The following UBAP2 variants were observed in gnomAD, a reference collection of about 807,000 sequenced individuals.
The protein encoded by UBAP2 is ubiquitin associated protein 2.
In UBAP2, 75 loss-of-function variants were observed where a neutral mutation model predicts 139.6. That is an observed-to-expected ratio of 0.54 (90% CI 0.45 to 0.65). UBAP2 has a LOEUF of 0.65. UBAP2 is among the 30% of genes least tolerant of loss of function. The pLI is 0.00. For missense variants in UBAP2, 1,368 were observed against 1,369.6 expected (o/e 1.00, Z 0.02); for synonymous variants, 526 against 526.2 (o/e 1.00, Z 0.01).
intron 1 of UBAP2, among the ~76,000 whole-genome samples, chr9:34,038,616 G>C (rs1037980348): frequency 1.3e-5 from 2 of 152,166 alleles, no homozygotes; most frequent in Admixed American, 6.5e-5. Flanking sequence ...GTGCAGTGGC[G>C]TGATCTCGGC....
chr9:33,945,508 A>AC (rs397715137), intron 13 of UBAP2, among the ~76,000 whole-genome samples: 1 of 149,654 alleles, frequency 6.7e-6, no homozygotes, highest in African/African-American at 2.5e-5. Context: ...AAACAAACAA[A>AC]AAACAAAATC....
intron 1 of UBAP2, among the ~76,000 whole-genome samples, chr9:34,035,445 T>A (rs1340811506): frequency 7.1e-6 from 1 of 141,042 alleles, no homozygotes; most frequent in Admixed American, 7.7e-5. Context: ...GAGGTTGCAG[T>A]GAGCCGAGAT....
intron 11 of UBAP2, among the ~76,000 whole-genome samples, chr9:33,953,899 A>G (rs891019738): frequency 7.9e-5 from 12 of 151,996 alleles, no homozygotes; most frequent in African/African-American, 9.7e-5. Context: ...AAGCAATTCA[A>G]TAAGTTTCAC....
At chr9:34,010,515 A>G (rs1175179291) in intron 2 of UBAP2, among the ~76,000 whole-genome samples, 1 of 152,144 alleles carries the variant, frequency 6.6e-6, no homozygotes, top group Non-Finnish European at 1.5e-5. Context: ...AGTACCATTA[A>G]TCATTTAATT....
chr9:33,992,303 G>A lies in UBAP2; in HGVS notation c.289-3177C>T, dbSNP rs140103338. On this transcript the variant is annotated intron_variant, in intron 4 of 28. Coordinates refer to ENST00000379238, the MANE Select transcript of UBAP2 (RefSeq NM_001370062.2). ...CTCGGGAGGCTGAGGCGGAAGAATC[G>A]CTTGAACCCGGGAGGCAGGAGGTTG... Among the ~76,000 whole-genome samples the A allele has an allele frequency of 5.9e-3, 860 of 145,002 alleles. 7 individuals carry two copies. Among genetic ancestry groups the A allele is most frequent in the African/African-American group, 0.02 (780 of 39,200 alleles).
intron 16 of UBAP2, 99 bp downstream of exon 16, chr9:33,941,550 T>G (rs1825202013): frequency 9.3e-7 from 1 of 1,072,768 alleles, no homozygotes; most frequent in African/African-American, 1.6e-5. Context: ...GTTAGTCAAT[T>G]TGTAAAATAA....
chr9:33,953,978 C>T (rs1327017361), intron 11 of UBAP2, among the ~76,000 whole-genome samples: 1 of 151,988 alleles, frequency 6.6e-6, no homozygotes, highest in Non-Finnish European at 1.5e-5. Context: ...GTGACCCTGG[C>T]TCACTGCAAC....
chr9:33,992,779 C>G (rs1821834520), intron 4 of UBAP2, among the ~76,000 whole-genome samples: 1 of 152,054 alleles, frequency 6.6e-6, no homozygotes, highest in Admixed American at 6.6e-5. Flanking sequence ...CACATGCATA[C>G]TTTAAAAAGT....
At chr9:34,045,156 C>T (rs1827461414) in intron 1 of UBAP2, among the ~76,000 whole-genome samples, 1 of 151,922 alleles carries the variant, frequency 6.6e-6, no homozygotes, top group Non-Finnish European at 1.5e-5. Context: ...GACCATCTGG[C>T]TAACACTGTG....
chr9:33,992,955 T>C (rs1371555065), intron 4 of UBAP2, among the ~76,000 whole-genome samples: 2 of 152,154 alleles, frequency 1.3e-5, no homozygotes, highest in African/African-American at 4.8e-5. Flanking sequence ...GTTCAAAAAT[T>C]ACTCTCCCAC....
In UBAP2 at chr9:34,046,322, G is replaced by C. The variant is rs556492268; in HGVS notation, c.-42+2503C>G. ...ATTTAAAAAAAAAAAAAAGAGGACTGGGAAATCAACAATTCAAAGCTAACA... is the reference window on the plus strand; with the variant it reads ...ATTTAAAAAAAAAAAAAAGAGGACTCGGAAATCAACAATTCAAAGCTAACA... On this transcript the variant is annotated intron_variant, in intron 1 of 28. Coordinates refer to ENST00000379238, the MANE Select transcript of UBAP2 (RefSeq NM_001370062.2). Among the ~76,000 whole-genome samples the C allele has an allele frequency of 2.0e-5, 3 of 149,604 alleles. No individual in the cohort carries two copies. The South Asian group carries it at 6.3e-4, about 32-fold the overall frequency.
intron 20 of UBAP2, among the ~76,000 whole-genome samples, chr9:33,927,441 G>A (rs529946359): frequency 2.6e-5 from 4 of 152,168 alleles, no homozygotes; most frequent in South Asian, 2.1e-4. Flanking sequence ...GTTCGAAGTC[G>A]GTTTTAGCAG....
chr9:34,038,904 G>A (rs1826737235), intron 1 of UBAP2, among the ~76,000 whole-genome samples: 1 of 129,540 alleles, frequency 7.7e-6, no homozygotes, highest in Admixed American at 7.3e-5. Context: ...CACCCCGTCT[G>A]GGATGTGGGG....
intron 6 of UBAP2, among the ~76,000 whole-genome samples, chr9:33,982,592 T>A (rs533801237): frequency 6.6e-6 from 1 of 152,216 alleles, no homozygotes; most frequent in East Asian, 1.9e-4. Flanking sequence ...TATATACTGA[T>A]GAGAAAATTA....
At chr9:33,962,760 T>G (rs577847587) in intron 9 of UBAP2, among the ~76,000 whole-genome samples, 15 of 151,878 alleles carry the variant, frequency 9.9e-5, no homozygotes, top group South Asian at 2.1e-4. Flanking sequence ...GTGGATCACC[T>G]GAGGTCAGGA....
At chr9:33,974,008 C>A (rs115344416) in intron 6 of UBAP2, among the ~76,000 whole-genome samples, 2,430 of 152,216 alleles carry the variant, frequency 0.016, 58 homozygotes, top group African/African-American at 0.055. Context: ...GAGTTCAAGA[C>A]CAGCCTGGGC....
intron 12 of UBAP2, among the ~76,000 whole-genome samples, chr9:33,952,397 A>G (rs1826177925): frequency 6.6e-6 from 1 of 152,220 alleles, no homozygotes; most frequent in African/African-American, 2.4e-5. Flanking sequence ...AGCTTAACAC[A>G]CATTGGAAGT....
chr9:33,923,686 G>A (rs947549941), intron 24 of UBAP2, 109 bp downstream of exon 24: 1 of 1,237,556 alleles, frequency 8.1e-7, no homozygotes, highest in Non-Finnish European at 1.2e-6. Context: ...GACCAGGTAA[G>A]ACGGAGTGGA....
intron 1 of UBAP2, among the ~76,000 whole-genome samples, chr9:34,031,194 T>C (rs1825858389): frequency 6.7e-6 from 1 of 149,588 alleles, no homozygotes; most frequent in African/African-American, 2.5e-5. Flanking sequence ...GAGGAATCGC[T>C]TGAACCCAGG....
Sources: gnomAD v4.1 joint callset for allele counts (sites outside exome capture counted in the v4.1 genomes callset) on GRCh38, gnomAD v4.1.1 for gene constraint, MANE v1.5 for transcripts, NCBI Gene and HGNC (gene_info 2026-07-23, HGNC 2026-07-21) for gene names.